Variants in SVOPL observed in about 807,000 individuals in gnomAD.
SVOPL encodes the protein SVOP like, also known as putative transporter SVOPL.
SVOPL carries 60 observed loss-of-function variants against 61.0 expected under a neutral mutation model. The observed-to-expected ratio is 0.98, with a 90% CI of 0.80 to 1.22. SVOPL has a LOEUF of 1.22. Ranked by LOEUF, SVOPL falls within the 50% of genes most tolerant of loss-of-function variation. The pLI is 0.00. For missense variants in SVOPL, 662 were observed against 643.9 expected, an observed-to-expected ratio of 1.03 and a Z score of -0.30; for synonymous variants, 279 against 250.0, an observed-to-expected ratio of 1.12 and a Z score of -1.09.
chr7:138,614,835 T>C (rs1362602209), intron 14 of SVOPL, among the ~76,000 whole-genome samples: 1 of 152,184 alleles, frequency 6.6e-6, no homozygotes, highest in Non-Finnish European at 1.5e-5. Flanking sequence ...ACAAATGGGC[T>C]TTTCCACTGA....
chr7:138,641,134 G>C (rs77199814), intron 9 of SVOPL, among the ~76,000 whole-genome samples: 1,794 of 151,794 alleles, frequency 0.012, 25 homozygotes, highest in South Asian at 0.061. Context: ...GGAAGGTCAA[G>C]GCTACAGTGA....
At chr7:138,594,729 T>G in intron 15 of SVOPL, 108 bp from the exon 16 acceptor site, 1 of 737,832 alleles carries the variant, frequency 1.4e-6, no homozygotes. Flanking sequence ...AATAAAAAAT[T>G]ATTAGGAGGG....
chr7:138,663,395 G>C, intron 4 of SVOPL: 1 of 1,380,136 alleles, frequency 7.2e-7, no homozygotes, highest in East Asian at 2.9e-5. Flanking sequence ...CCGCCCGCTT[G>C]TTGCTAGAGG....
chr7:138,615,474 G>A (rs111561546), intron 14 of SVOPL, among the ~76,000 whole-genome samples: 8,137 of 149,146 alleles, frequency 0.055, 265 homozygotes, highest in Middle Eastern at 0.11. Context: ...GGAGAATGGC[G>A]TGAATCAGGA....
At chr7:138,644,634 C>A (rs1221505369) in intron 9 of SVOPL, 83 bp downstream of exon 9, 1 of 1,541,246 alleles carries the variant, frequency 6.5e-7, no homozygotes, top group Non-Finnish European at 8.8e-7. Flanking sequence ...ACAAGGGTCC[C>A]CCCTCCCTCC....
chr7:138,663,071 T>G lies in SVOPL; in HGVS notation c.345+3A>C, dbSNP rs1414027238. ...CCAAATGCTACTGTGAGGCCCCACCTACCTTCCAGCGGCCATATCTGTCAG... is the reference window on the plus strand; with the variant it reads ...CCAAATGCTACTGTGAGGCCCCACCGACCTTCCAGCGGCCATATCTGTCAG... On this transcript the variant is annotated splice_donor_region_variant and intron_variant, in intron 5 of 15. Transcript: ENST00000674285. 3.7e-6 allele frequency: 6 copies of G among 1,614,166 alleles called. No homozygotes were observed. In the Admixed American group the frequency reaches 8.3e-5, roughly 22 times the overall value.
intron 12 of SVOPL, among the ~76,000 whole-genome samples, chr7:138,626,735 A>G (rs1799908900): frequency 6.6e-6 from 1 of 151,754 alleles, no homozygotes; most frequent in Admixed American, 6.6e-5. Context: ...AGTCCTAGCT[A>G]TTCAAGAGGC....
intron 14 of SVOPL, among the ~76,000 whole-genome samples, chr7:138,599,562 C>A (rs868776798): frequency 3.9e-5 from 6 of 152,040 alleles, no homozygotes; most frequent in Non-Finnish European, 8.8e-5. Flanking sequence ...GAGCTAGATC[C>A]TTACTTCAGG....
chr7:138,686,842 G>A (rs1187719380), intron 1 of SVOPL, among the ~76,000 whole-genome samples: 1 of 152,116 alleles, frequency 6.6e-6, no homozygotes, highest in Non-Finnish European at 1.5e-5. Context: ...GGGATTACAG[G>A]CATGAGCCAC....
intron 3 of SVOPL, among the ~76,000 whole-genome samples, chr7:138,676,189 T>C (rs540838259): frequency 3.9e-5 from 6 of 152,232 alleles, no homozygotes; most frequent in African/African-American, 1.4e-4. Flanking sequence ...GCGGGAGTAG[T>C]GGTGTGGGTT....
intron 5 of SVOPL, 33 bp from the exon 6 acceptor site, chr7:138,660,021 T>TGC: frequency 6.5e-7 from 1 of 1,549,792 alleles, no homozygotes; most frequent in South Asian, 1.2e-5. Context: ...GAATGGGACC[T>TGC]GCCTCAATGC....
At position 138,610,530 on chromosome 7, in the gene SVOPL, GA is replaced by G. The variant is rs1018123064; in HGVS notation, c.1353+10515del. ...AGGTTTTTGTGTTTTCAGGATGGAA[GA>G]AAAAAAATCACGTGGTCAAAATTGC... On this transcript the variant is annotated intron_variant, in intron 14 of 15. Coordinates refer to ENST00000674285, the MANE Select transcript of SVOPL (RefSeq NM_001139456.2). Among the ~76,000 whole-genome samples, 13 of 151,910 alleles carry G rather than the reference GA, an allele frequency of 8.6e-5. No individual in the cohort carries two copies. In the South Asian group the frequency reaches 1.7e-3, roughly 19 times the overall value.
chr7:138,650,956 C>T (rs972058853), intron 7 of SVOPL, among the ~76,000 whole-genome samples: 3 of 150,768 alleles, frequency 2.0e-5, no homozygotes, highest in Admixed American at 6.6e-5. Flanking sequence ...AAAATCAGGG[C>T]TTTTGGTTAA....
At chr7:138,700,205 A>C (rs916675613) in intron 1 of SVOPL, among the ~76,000 whole-genome samples, 1 of 152,170 alleles carries the variant, frequency 6.6e-6, no homozygotes, top group Non-Finnish European at 1.5e-5. Context: ...TACATGAAGA[A>C]AGAAGAGAAC....
At chr7:138,676,266 G>A (rs1057088304) in intron 3 of SVOPL, among the ~76,000 whole-genome samples, 5 of 152,236 alleles carry the variant, frequency 3.3e-5, no homozygotes, top group Non-Finnish European at 5.9e-5. Context: ...TCAAAATAGC[G>A]TAGGGTGTTT....
At chr7:138,686,300 G>A (rs1584868977) in intron 1 of SVOPL, among the ~76,000 whole-genome samples, 2 of 151,698 alleles carry the variant, frequency 1.3e-5, no homozygotes, top group East Asian at 3.9e-4. Context: ...CTACTTGGGA[G>A]GCTGAGGCAG....
intron 14 of SVOPL, among the ~76,000 whole-genome samples, chr7:138,611,291 T>C (rs1798988933): frequency 6.6e-6 from 1 of 152,084 alleles, no homozygotes; most frequent in Admixed American, 6.6e-5. Context: ...GGCATGAGAA[T>C]TGCTTGAACC....
intron 14 of SVOPL, among the ~76,000 whole-genome samples, chr7:138,605,384 G>A (rs868264269): frequency 2.0e-5 from 3 of 151,510 alleles, no homozygotes; most frequent in South Asian, 2.1e-4. Flanking sequence ...AATGAAGGCC[G>A]GGTGCAGTGG....
At chr7:138,677,435 C>T (rs150316319) in intron 3 of SVOPL, among the ~76,000 whole-genome samples, 5 of 152,080 alleles carry the variant, frequency 3.3e-5, no homozygotes, top group East Asian at 1.9e-4. Context: ...CCCTATAGAT[C>T]GTGACTTACT....
Sources: gnomAD v4.1 joint callset for allele counts (sites outside exome capture counted in the v4.1 genomes callset) on GRCh38, gnomAD v4.1.1 for gene constraint, MANE v1.5 for transcripts, NCBI Gene and HGNC (gene_info 2026-07-23, HGNC 2026-07-21) for gene names.